Variants in LPGAT1 observed in about 807,000 individuals in gnomAD.
The protein encoded by LPGAT1 is acyl-CoA:lysophosphatidylglycerol acyltransferase 1.
A neutral mutation model predicts 47.5 loss-of-function variants in LPGAT1; 11 were observed. The observed-to-expected ratio is 0.23, with a 90% CI of 0.15 to 0.38. LPGAT1 has a LOEUF of 0.38. Among genes scored for constraint, LPGAT1 ranks in the 10% least tolerant of loss-of-function variants. The pLI is 1.00. For missense variants in LPGAT1, 293 were observed against 439.0 expected, an observed-to-expected ratio of 0.67 and a Z score of 2.97; for synonymous variants, 138 against 144.2, an observed-to-expected ratio of 0.96 and a Z score of 0.31.
In LPGAT1 at chr1:211,830,363, C is replaced by A. The variant is rs1571779677; in HGVS notation, c.-28+210G>T. On this transcript the variant is annotated intron_variant, in intron 1 of 7. Coordinates refer to ENST00000366997, the MANE Select transcript of LPGAT1 (RefSeq NM_014873.3). This position sits in a 1 kb window ranked among gnomAD's most constrained non-coding sequence, Gnocchi z 5.9. ...CAGAGGGACGGCGGGGACTCAGAGG[C>A]CGGACCTGTCACCCGGGCGGGTCCC... 8.6e-7 allele frequency: 1 copy of A among 1,158,662 alleles called. No individual in the cohort carries two copies. The highest frequency in any genetic ancestry group is 1.1e-6 in the Non-Finnish European group (1 of 941,110). 71.8% of individuals were successfully genotyped at this position (1,158,662 alleles called of 1,614,324 possible).
At chr1:211,757,190 G>A (rs922198810) in intron 6 of LPGAT1, among the ~76,000 whole-genome samples, 1 of 151,510 alleles carries the variant, frequency 6.6e-6, no homozygotes, top group African/African-American at 2.4e-5. Flanking sequence ...GAAGGCGGAG[G>A]TTGCAGTGAG....
intron 2 of LPGAT1, among the ~76,000 whole-genome samples, chr1:211,797,936 A>C (rs2102563999): frequency 6.6e-6 from 1 of 152,322 alleles, no homozygotes; most frequent in East Asian, 1.9e-4. Flanking sequence ...GCTAAAGGTT[A>C]TCATCTACTA....
intron 3 of LPGAT1, among the ~76,000 whole-genome samples, chr1:211,791,774 C>CAA (rs78791498): frequency 2.5e-5 from 3 of 121,762 alleles, no homozygotes; most frequent in Admixed American, 8.2e-5. Flanking sequence ...AACAAACAAA[C>CAA]AAAAAAAAAA....
intron 6 of LPGAT1, among the ~76,000 whole-genome samples, chr1:211,773,360 T>C (rs924767291): frequency 6.6e-6 from 1 of 152,182 alleles, no homozygotes. Flanking sequence ...ATATGTATCT[T>C]TAAAAAATAT....
At chr1:211,800,726 T>C (rs7518896) in intron 2 of LPGAT1, among the ~76,000 whole-genome samples, 48,904 of 152,104 alleles carry the variant, frequency 0.32, 9,145 homozygotes, top group Non-Finnish European at 0.43. Flanking sequence ...CCCAATCTCC[T>C]TTGAGAAGCA....
intron 6 of LPGAT1, among the ~76,000 whole-genome samples, chr1:211,766,560 C>T (rs1397047965): frequency 6.6e-6 from 1 of 152,178 alleles, no homozygotes; most frequent in Non-Finnish European, 1.5e-5. Flanking sequence ...GTGTTTAATA[C>T]TGCACACAGA....
intron 2 of LPGAT1, among the ~76,000 whole-genome samples, chr1:211,816,041 A>G (rs1660163659): frequency 6.6e-6 from 1 of 151,948 alleles, no homozygotes; most frequent in African/African-American, 2.4e-5. Context: ...TCGGCCTCCC[A>G]AAGTGCTGGG....
intron 2 of LPGAT1, among the ~76,000 whole-genome samples, chr1:211,816,783 G>A (rs755883462): frequency 6.6e-6 from 1 of 152,134 alleles, no homozygotes; most frequent in East Asian, 1.9e-4. Flanking sequence ...CTGAAGCTCA[G>A]AGAAATTAAG....
intron 4 of LPGAT1, among the ~76,000 whole-genome samples, chr1:211,785,364 A>G (rs1288055360): frequency 6.6e-6 from 1 of 152,160 alleles, no homozygotes; most frequent in African/African-American, 2.4e-5. Context: ...AAGTCTCAAG[A>G]GAATTTTTCT....
intron 6 of LPGAT1, among the ~76,000 whole-genome samples, chr1:211,764,401 T>G (rs1657823637): frequency 6.6e-6 from 1 of 152,246 alleles, no homozygotes; most frequent in Non-Finnish European, 1.5e-5. Context: ...CAAAACTTTA[T>G]GTGGTGTCAT....
chr1:211,823,957 A>T (rs1267520080), intron 2 of LPGAT1, among the ~76,000 whole-genome samples: 1 of 151,782 alleles, frequency 6.6e-6, no homozygotes, highest in African/African-American at 2.4e-5. Flanking sequence ...AAAAAAAAAA[A>T]TTAACAAATG....
chr1:211,791,674 G>A (rs546753560), intron 3 of LPGAT1, among the ~76,000 whole-genome samples: 248 of 149,480 alleles, frequency 1.7e-3, no homozygotes, highest in African/African-American at 5.8e-3. Flanking sequence ...TTGAACCCAG[G>A]AGGCAGAGGT....
chr1:211,787,698 A>T lies in LPGAT1; in HGVS notation c.387T>A (p.Asp129Glu). 6.2e-7 allele frequency: 1 copy of T among 1,608,794 alleles called. No individual in the cohort carries two copies. The highest frequency in any genetic ancestry group is 8.5e-7 in the Non-Finnish European group (1 of 1,177,284). The change falls in exon 4 of 8, where the codon GAT becomes GAA. Residue 129 changes from aspartate to glutamate, a missense_variant. Coordinates refer to ENST00000366997, the MANE Select transcript of LPGAT1 (RefSeq NM_014873.3). ...CAAAGTTTGTGTACTTAAAAATATG[A>T]TCCATCAACCACATCATCTGAGCAA... ...LVVAQMMWLM[D>E]HIFKYTNFGI...
chr1:211,824,331 G>C (rs562232728), intron 2 of LPGAT1, among the ~76,000 whole-genome samples: 4 of 152,302 alleles, frequency 2.6e-5, no homozygotes, highest in Admixed American at 2.0e-4. Context: ...GAGAGAGAGA[G>C]GTTGTCGTGA....
Position 211,830,595 on chromosome 1 carries a change from C to G in LPGAT1, c.-50G>C. 8.3e-7 allele frequency: 1 copy of G among 1,209,310 alleles called. No individual in the cohort carries two copies. Among genetic ancestry groups the G allele is most frequent in the Non-Finnish European group, 1.0e-6 (1 of 973,450 alleles). The allele number at this position is 1,209,310 out of a possible 1,614,324, so 74.9% of individuals were successfully genotyped here. On this transcript the variant is annotated 5_prime_UTR_variant, in exon 1 of 8. Coordinates refer to ENST00000366997, the MANE Select transcript of LPGAT1 (RefSeq NM_014873.3). This position sits in a 1 kb window ranked among gnomAD's most constrained non-coding sequence, Gnocchi z 5.9. ...TACCTCGGGCTGGCCGGGCCCCAGC[C>G]GGGGCTTTGGGAGTCAGAGGAGCCG...
intron 2 of LPGAT1, among the ~76,000 whole-genome samples, chr1:211,801,748 G>A (rs1659582438): frequency 6.7e-6 from 1 of 150,122 alleles, no homozygotes; most frequent in African/African-American, 2.5e-5. Context: ...AGAGGGGAGG[G>A]GAGGAGAAAG....
At chr1:211,757,666 T>C (rs751328928) in intron 6 of LPGAT1, among the ~76,000 whole-genome samples, 13 of 152,210 alleles carry the variant, frequency 8.5e-5, no homozygotes, top group African/African-American at 1.2e-4. Context: ...AGATGAAGTC[T>C]TGACAGAGAT....
intron 2 of LPGAT1, among the ~76,000 whole-genome samples, chr1:211,806,692 GA>G (rs1284268858): frequency 2.0e-5 from 3 of 152,052 alleles, no homozygotes; most frequent in Non-Finnish European, 4.4e-5. Context: ...TTTTAAAAAA[GA>G]AGGTCTCATG....
intron 6 of LPGAT1, among the ~76,000 whole-genome samples, chr1:211,752,307 G>C (rs910483539): frequency 5.3e-5 from 8 of 152,124 alleles, no homozygotes; most frequent in African/African-American, 1.7e-4. Flanking sequence ...GGGCCAGACA[G>C]AAAATATTCT....
Sources: allele counts gnomAD v4.1 joint callset (sites outside exome capture counted in the v4.1 genomes callset), GRCh38; gene constraint gnomAD v4.1.1; non-coding constraint Gnocchi (gnomAD v3.1); transcripts MANE v1.5; gene names NCBI Gene and HGNC (gene_info 2026-07-23, HGNC 2026-07-21).